PCDHGA2: variants seen among roughly 807,000 people sequenced by gnomAD.
The protein encoded by PCDHGA2 is protocadherin gamma subfamily A, 2.
PCDHGA2 carries 40 observed loss-of-function variants against 59.2 expected under a neutral mutation model. The ratio of observed to expected loss-of-function variants is 0.68; its 90% CI spans 0.52 to 0.88. PCDHGA2 has a LOEUF of 0.88. PCDHGA2 is among the 40% of genes least tolerant of loss of function. The pLI is 0.00. For synonymous variants in PCDHGA2, 560 were observed against 526.0 expected, an observed-to-expected ratio of 1.06 and a Z score of -0.89; for missense variants, 1,226 against 1,204.0, an observed-to-expected ratio of 1.02 and a Z score of -0.27.
intron 1 of PCDHGA2, chr5:141,419,776 C>T (rs965350189): frequency 1.2e-6 from 2 of 1,614,026 alleles, no homozygotes; most frequent in Admixed American, 1.7e-5. Context: ...ACTCGGTCCG[C>T]CAGCGCCTGC....
intron 1 of PCDHGA2, among the ~76,000 whole-genome samples, chr5:141,473,422 A>C (rs2154571673): frequency 6.6e-6 from 1 of 152,332 alleles, no homozygotes; most frequent in African/African-American, 2.4e-5. Context: ...TGGGGGAAGC[A>C]GATACTTTGC....
intron 1 of PCDHGA2, chr5:141,389,864 G>A: frequency 6.2e-7 from 1 of 1,614,058 alleles, no homozygotes; most frequent in Non-Finnish European, 8.5e-7. Flanking sequence ...CGTTGCACCT[G>A]GTCTTCGCCG....
intron 1 of PCDHGA2, chr5:141,370,780 AC>A: frequency 6.2e-7 from 1 of 1,613,990 alleles, no homozygotes; most frequent in Non-Finnish European, 8.5e-7. Context: ...ATTAACGACA[AC>A]CCACCGACCT....
At chr5:141,391,561 G>A (rs2092390304) in intron 1 of PCDHGA2, 1 of 152,026 alleles carries the variant, frequency 6.6e-6, no homozygotes, top group Non-Finnish European at 1.5e-5. Context: ...TTTTCCATAT[G>A]CATAAGAAAA....
intron 1 of PCDHGA2, chr5:141,372,020 C>T (rs534964155): frequency 1.2e-6 from 2 of 1,613,370 alleles, no homozygotes; most frequent in Admixed American, 1.7e-5. Context: ...CGCCTACGCT[C>T]AGCGCCAACG....
chr5:141,505,182 C>T (rs1302018549), intron 2 of PCDHGA2, among the ~76,000 whole-genome samples: 2 of 152,094 alleles, frequency 1.3e-5, no homozygotes, highest in East Asian at 3.9e-4. Context: ...AAAAAAGCAT[C>T]GGAGGCAGCA....
At chr5:141,507,786 G>A (rs536470814) in intron 3 of PCDHGA2, among the ~76,000 whole-genome samples, 3 of 152,292 alleles carry the variant, frequency 2.0e-5, no homozygotes, top group East Asian at 1.9e-4. Context: ...CCTGACCCTC[G>A]TCTAAGCCTG....
chr5:141,418,419 A>G (rs1181055959), intron 1 of PCDHGA2: 1 of 1,613,900 alleles, frequency 6.2e-7, no homozygotes, highest in Non-Finnish European at 8.5e-7. Flanking sequence ...GACAATCCTG[A>G]TGGTGGCAAA....
At chr5:141,450,831 T>TATA (rs761717068) in intron 1 of PCDHGA2, among the ~76,000 whole-genome samples, 3 of 144,648 alleles carry the variant, frequency 2.1e-5, no homozygotes, top group Non-Finnish European at 4.5e-5. Flanking sequence ...TTATTATTAT[T>TATA]TTTTTTTTTT....
chr5:141,429,314 C>A (rs1463397731), intron 1 of PCDHGA2, among the ~76,000 whole-genome samples: 2 of 151,722 alleles, frequency 1.3e-5, no homozygotes, highest in Admixed American at 6.6e-5. Flanking sequence ...GTATATAAGG[C>A]TTTTTCTTTA....
chr5:141,431,022 G>A lies in PCDHGA2; in HGVS notation c.2425-63785G>A. ...CGCAGCGGCAGCTTGGTCACGGCGG[G>A]CAGGATAGACCGGGAGGAGCTCTGT... On this transcript the variant is annotated intron_variant, in intron 1 of 3. Transcript: ENST00000394576. This position sits in a 1 kb window ranked among gnomAD's most constrained non-coding sequence, Gnocchi z 4.8. 1 of 1,614,078 alleles carries A rather than the reference G, an allele frequency of 6.2e-7. No individual in the cohort carries two copies. Among genetic ancestry groups the A allele is most frequent in the African/African-American group, 1.3e-5 (1 of 75,074 alleles).
At chr5:141,488,146 A>G (rs1458115635) in intron 1 of PCDHGA2, among the ~76,000 whole-genome samples, 2 of 152,164 alleles carry the variant, frequency 1.3e-5, no homozygotes, top group South Asian at 4.1e-4. Context: ...AACTAAAGGA[A>G]TAGAGAGGCA....
chr5:141,423,440 C>T lies in PCDHGA2; in HGVS notation c.2425-71367C>T, dbSNP rs768389351. 27 of 1,613,852 alleles carry T rather than the reference C, an allele frequency of 1.7e-5. No individual in the cohort carries two copies. In the East Asian group the frequency reaches 4.5e-4, roughly 27 times the overall value. ...GAAGGCGGGTTGGCAGGTATGCCCACGTCACATTTTGTAGGCGTGGACGGG... is the reference window on the plus strand; with the variant it reads ...GAAGGCGGGTTGGCAGGTATGCCCATGTCACATTTTGTAGGCGTGGACGGG... On this transcript the variant is annotated intron_variant, in intron 1 of 3. Coordinates refer to ENST00000394576, the MANE Select transcript of PCDHGA2 (RefSeq NM_018915.4).
intron 1 of PCDHGA2, among the ~76,000 whole-genome samples, chr5:141,348,509 T>C (rs1215802144): frequency 1.3e-5 from 2 of 152,326 alleles, no homozygotes; most frequent in Admixed American, 1.3e-4. Flanking sequence ...ATTAGCTGTG[T>C]CAGGGGAAAT....
chr5:141,344,877 G>C (rs768877303), intron 1 of PCDHGA2: 24 of 1,613,902 alleles, frequency 1.5e-5, no homozygotes, highest in Non-Finnish European at 1.9e-5. Flanking sequence ...TTATATTCTA[G>C]ATAAAATGCC....
At chr5:141,347,278 C>T (rs1278096121) in intron 1 of PCDHGA2, among the ~76,000 whole-genome samples, 1 of 151,758 alleles carries the variant, frequency 6.6e-6, no homozygotes, top group Non-Finnish European at 1.5e-5. Context: ...CTCAGCCTCC[C>T]GAGTAGCTGG....
At position 141,413,510 on chromosome 5, in the gene PCDHGA2, T is replaced by G. The variant is rs372002880; in HGVS notation, c.2424+72115T>G. On this transcript the variant is annotated intron_variant, in intron 1 of 3. Transcript: ENST00000394576. ...GCGCGGTGCGTGGTGAGTTTTAATA[T>G]CCTTGTGGAAGACAGGGTGAAACTT... The G allele has an allele frequency of 5.4e-5, 87 of 1,613,876 alleles. No individual in the cohort carries two copies. Among genetic ancestry groups the G allele is most frequent in the Middle Eastern group, 1.6e-4 (1 of 6,084 alleles).
At chr5:141,392,885 G>C in intron 1 of PCDHGA2, 1 of 1,613,654 alleles carries the variant, frequency 6.2e-7, no homozygotes, top group Non-Finnish European at 8.5e-7. Flanking sequence ...GAACGCTGTG[G>C]GAAATCGGGA....
chr5:141,427,046 C>G (rs916723344), intron 1 of PCDHGA2: 2 of 457,362 alleles, frequency 4.4e-6, no homozygotes, highest in Admixed American at 4.7e-5. Context: ...AGAATGTGCC[C>G]CCAGGCACCT....
Sources: allele counts gnomAD v4.1 joint callset (sites outside exome capture counted in the v4.1 genomes callset), GRCh38; gene constraint gnomAD v4.1.1; non-coding constraint Gnocchi (gnomAD v3.1); transcripts MANE v1.5; gene names NCBI Gene and HGNC (gene_info 2026-07-23, HGNC 2026-07-21).